The following ZNF562 variants were observed in gnomAD, a reference collection of about 807,000 sequenced individuals.
ZNF562 encodes the protein zinc finger protein 562.
Under a neutral mutation model 17.5 loss-of-function variants are expected in ZNF562, and 13 were observed. That is an observed-to-expected ratio of 0.74 (90% CI 0.48 to 1.18). The LOEUF (loss-of-function observed/expected upper bound fraction) is 1.18, where lower values mean the gene tolerates loss of function less well. Ranked by LOEUF, ZNF562 falls within the 50% of genes most tolerant of loss-of-function variation. The pLI, the probability that ZNF562 is intolerant of heterozygous loss-of-function variation, is 0.00. For missense variants in ZNF562, 481 were observed against 498.5 expected (o/e 0.96, Z 0.33); for synonymous variants, 163 against 165.4 (o/e 0.99, Z 0.11).
At chr19:9,672,595 A>C (rs1399738724) in intron 1 of ZNF562, among the ~76,000 whole-genome samples, 3 of 152,100 alleles carry the variant, frequency 2.0e-5, no homozygotes, top group Non-Finnish European at 4.4e-5. Flanking sequence ...CAGATACTAG[A>C]TATTTTATTA....
At chr19:9,669,725 C>A (rs572434372) in intron 1 of ZNF562, among the ~76,000 whole-genome samples, 63 of 83,038 alleles carry the variant, frequency 7.6e-4, no homozygotes, top group Admixed American at 2.6e-3. Context: ...CGAGCGCGCG[C>A]GCGCGCGCGC....
rs1385183876 is a variant in ZNF562, at chr19:9,669,730, G to GCA, written c.-131+5284_-131+5285insTG. 5.6e-3 allele frequency among the ~76,000 whole-genome samples: 488 copies of GCA among 86,908 alleles called. 3 individuals carry two copies. The highest frequency in any genetic ancestry group is 0.013 in the East Asian group (38 of 2,984). 57.0% of individuals were successfully genotyped at this position (86,908 alleles called of 152,430 possible). On this transcript the variant is annotated intron_variant, in intron 1 of 5. Transcript: ENST00000453372. Reference sequence around the variant, plus strand: ...TGCACGCGCGCGAGCGCGCGCGCGCGCGCGCACACACACACACACACACAC... The same window carrying GCA: ...TGCACGCGCGCGAGCGCGCGCGCGCGCACGCGCACACACACACACACACACAC...
At chr19:9,662,175 C>A (rs2043775161) in intron 1 of ZNF562, among the ~76,000 whole-genome samples, 1 of 152,154 alleles carries the variant, frequency 6.6e-6, no homozygotes, top group South Asian at 2.1e-4. Flanking sequence ...CCAGTATGAC[C>A]AGAAGACAGC....
intron 4 of ZNF562, among the ~76,000 whole-genome samples, chr19:9,657,395 A>T (rs2144982813): frequency 6.6e-6 from 1 of 151,532 alleles, no homozygotes; most frequent in Non-Finnish European, 1.5e-5. Flanking sequence ...CTCCCTCAAA[A>T]AAAAAAAAAC....
intron 4 of ZNF562, among the ~76,000 whole-genome samples, chr19:9,656,871 A>AATATAT (rs142526474): frequency 0.11 from 15,673 of 142,262 alleles, 1,087 homozygotes; most frequent in Admixed American, 0.2. Flanking sequence ...AAAATACAAA[A>AATATAT]ATATATATAT....
chr19:9,656,920 G>C (rs2043513122), intron 4 of ZNF562, among the ~76,000 whole-genome samples: 1 of 149,820 alleles, frequency 6.7e-6, no homozygotes, highest in Admixed American at 6.7e-5. Flanking sequence ...TGTGCCTGTA[G>C]TCCCAGCTAC....
chr19:9,665,771 T>C (rs564919392), intron 1 of ZNF562, among the ~76,000 whole-genome samples: 13 of 152,178 alleles, frequency 8.5e-5, no homozygotes, highest in African/African-American at 1.4e-4. Flanking sequence ...GGAAATCATT[T>C]TGGGAGGCCG....
At chr19:9,669,621 G>A (rs1031542850) in intron 1 of ZNF562, among the ~76,000 whole-genome samples, 1 of 151,930 alleles carries the variant, frequency 6.6e-6, no homozygotes, top group Non-Finnish European at 1.5e-5. Flanking sequence ...AGGAGTTCCA[G>A]ACCAGGCTAG....
At chr19:9,669,007 A>T (rs2044050125) in intron 1 of ZNF562, among the ~76,000 whole-genome samples, 3 of 152,186 alleles carry the variant, frequency 2.0e-5, no homozygotes, top group Admixed American at 2.0e-4. Flanking sequence ...AAACTATAAA[A>T]CTAGTAGAGG....
chr19:9,672,462 T>TA (rs766824466), intron 1 of ZNF562, among the ~76,000 whole-genome samples: 49 of 152,256 alleles, frequency 3.2e-4, no homozygotes, highest in Non-Finnish European at 1.5e-4. Flanking sequence ...AATAAAATGC[T>TA]AAAAAATTAA....
chr19:9,669,689 G>T (rs928410738), intron 1 of ZNF562, among the ~76,000 whole-genome samples: 1 of 147,556 alleles, frequency 6.8e-6, no homozygotes, highest in African/African-American at 2.5e-5. Context: ...TCTGAAACTG[G>T]CAAGACCTGT....
intron 1 of ZNF562, among the ~76,000 whole-genome samples, chr19:9,668,021 C>T (rs751575828): frequency 4.6e-5 from 7 of 152,106 alleles, no homozygotes; most frequent in African/African-American, 1.2e-4. Context: ...TATACGCCAA[C>T]GGTGAACAAT....
rs1348900352 is a variant in ZNF562, at chr19:9,655,722, T to C, written c.348+825A>G. 1.2e-4 allele frequency among the ~76,000 whole-genome samples: 6 copies of C among 50,600 alleles called. No individual in the cohort carries two copies. In the East Asian group the frequency reaches 1.7e-3, roughly 15 times the overall value. 33.2% of individuals were successfully genotyped at this position (50,600 alleles called of 152,430 possible). ...GGATTCACTTTCTTTTCTTTCTTTT[T>C]TTTTTTTTTTTTTTTTTTTTTTTTT... On this transcript the variant is annotated intron_variant, in intron 5 of 5. Transcript: ENST00000453372.
chr19:9,667,031 A>G (rs1018318599), intron 1 of ZNF562, among the ~76,000 whole-genome samples: 22 of 136,296 alleles, frequency 1.6e-4, no homozygotes, highest in African/African-American at 7.0e-4. Flanking sequence ...GGTGAGCATT[A>G]TTCTCATATC....
At chr19:9,658,529 T>C (rs915117335) in intron 3 of ZNF562, among the ~76,000 whole-genome samples, 2 of 152,040 alleles carry the variant, frequency 1.3e-5, no homozygotes, top group African/African-American at 2.4e-5. Context: ...TTTGTATTTT[T>C]AGTAGAAAAG....
intron 1 of ZNF562, among the ~76,000 whole-genome samples, chr19:9,661,089 C>G (rs1368709664): frequency 6.6e-6 from 1 of 152,174 alleles, no homozygotes; most frequent in African/African-American, 2.4e-5. Flanking sequence ...TACATGCTCA[C>G]TTAATTATCA....
Position 9,647,147 on chromosome 19 carries a change from T to C in ZNF562, c.*5802A>G, listed in dbSNP as rs1001364233. 8 of 151,048 alleles carry C rather than the reference T, an allele frequency of 5.3e-5. No individual in the cohort carries two copies. Among genetic ancestry groups the C allele is most frequent in the African/African-American group, 1.7e-4 (7 of 40,950 alleles). 9.4% of individuals were successfully genotyped at this position (151,048 alleles called of 1,614,324 possible). A position where few individuals can be genotyped will look rare whatever the true frequency, so the allele number is the denominator to read the frequency against. ...GTCAGGCTGGAGTGCAGTGGTGTGA[T>C]CTAGGCTCATTGAAACCTCCACTTC... On this transcript the variant is annotated 3_prime_UTR_variant, in exon 6 of 6. Coordinates refer to ENST00000453372, the MANE Select transcript of ZNF562 (RefSeq NM_001130031.2).
intron 1 of ZNF562, among the ~76,000 whole-genome samples, chr19:9,663,728 G>C (rs572504241): frequency 1.3e-5 from 2 of 151,578 alleles, no homozygotes; most frequent in African/African-American, 2.4e-5. Flanking sequence ...CCAGGCTGGA[G>C]TGCAGTGGCG....
chr19:9,674,341 C>T lies in ZNF562; in HGVS notation c.-131+674G>A, dbSNP rs551047319. On this transcript the variant is annotated intron_variant, in intron 1 of 5. Coordinates refer to ENST00000453372, the MANE Select transcript of ZNF562 (RefSeq NM_001130031.2). ...CAGGTGATCGAAAAAGGTTGCTTTA[C>T]GGAGAAGTTTAAAAGTAGAAGGCAA... Among the ~76,000 whole-genome samples, 4 of 151,954 alleles carry T rather than the reference C, an allele frequency of 2.6e-5. No homozygotes were observed. In the South Asian group the frequency reaches 6.3e-4, roughly 24 times the overall value.
Sources: allele counts gnomAD v4.1 joint callset (sites outside exome capture counted in the v4.1 genomes callset), GRCh38; gene constraint gnomAD v4.1.1; transcripts MANE v1.5; gene names NCBI Gene and HGNC (gene_info 2026-07-23, HGNC 2026-07-21).